Variants in PIEZO2 observed in about 807,000 individuals in gnomAD.
The protein encoded by PIEZO2 is piezo type mechanosensitive ion channel component 2, also known as piezo-type mechanosensitive ion channel component 2.
A neutral mutation model predicts 337.3 loss-of-function variants in PIEZO2; 172 were observed. The ratio of observed to expected loss-of-function variants is 0.51; its 90% CI spans 0.45 to 0.58. The LOEUF (loss-of-function observed/expected upper bound fraction) is 0.58, where lower values mean the gene tolerates loss of function less well. PIEZO2 is among the 20% of genes least tolerant of loss of function. PIEZO2 has a pLI of 0.00. For synonymous variants in PIEZO2, 1,251 were observed against 1,228.5 expected (o/e 1.02, Z -0.38); for missense variants, 3,028 against 3,391.3 (o/e 0.89, Z 2.66).
rs978037965 is a variant in PIEZO2 at position 11,089,126 on chromosome 18, C to T, written c.65-22904G>A. On this transcript the variant is annotated intron_variant, in intron 1 of 55. Coordinates refer to ENST00000674853, the MANE Select transcript of PIEZO2 (RefSeq NM_001378183.1). ...TGGCCACAGGTCAGAATCTTTGGGGCGGTCCCCTCCACACCTCCTGAGTCC... is the reference window on the plus strand; with the variant it reads ...TGGCCACAGGTCAGAATCTTTGGGGTGGTCCCCTCCACACCTCCTGAGTCC... Among the ~76,000 whole-genome samples, 8 of 152,080 alleles carry T rather than the reference C, an allele frequency of 5.3e-5. 1 individual carries two copies. In the South Asian group the frequency reaches 6.2e-4, roughly 12 times the overall value.
In PIEZO2 at chr18:10,823,941, T is replaced by C. The variant is rs191963243; in HGVS notation, c.918-16667A>G. On this transcript the variant is annotated intron_variant, in intron 7 of 55. Coordinates refer to ENST00000674853, the MANE Select transcript of PIEZO2 (RefSeq NM_001378183.1). ...TTAAGAAAAAGTAATTAAAACTTCATGGCATAGCTAAAGCCTTGCCTACAG... is the reference window on the plus strand; with the variant it reads ...TTAAGAAAAAGTAATTAAAACTTCACGGCATAGCTAAAGCCTTGCCTACAG... Among the ~76,000 whole-genome samples, 12 of 152,360 alleles carry C rather than the reference T, an allele frequency of 7.9e-5. No individual in the cohort carries two copies. In the East Asian group the frequency reaches 2.1e-3, roughly 27 times the overall value.
chr18:10,763,190 G>A lies in PIEZO2; in HGVS notation c.2947-92C>T, dbSNP rs867806425. 28 of 1,361,634 alleles carry A rather than the reference G, an allele frequency of 2.1e-5. No homozygotes were observed. The African/African-American group carries it at 2.9e-4, about 14-fold the overall frequency. The allele number at this position is 1,361,634 out of a possible 1,614,324, so 84.3% of individuals were successfully genotyped here. A position where few individuals can be genotyped will look rare whatever the true frequency, so the allele number is the denominator to read the frequency against. ...AAAACAGGATGACTTGATTTACTCA[G>A]TTCGGCAAAAGCAGACTGGATTCCT... On this transcript the variant is annotated intron_variant, in intron 21 of 55. Coordinates refer to ENST00000674853, the MANE Select transcript of PIEZO2 (RefSeq NM_001378183.1).
At position 10,752,782 on chromosome 18, in the gene PIEZO2, A is replaced by C; in HGVS notation, c.4021T>G (p.Phe1341Val). 1 of 1,537,218 alleles carries C rather than the reference A, an allele frequency of 6.5e-7. No individual in the cohort carries two copies. Among genetic ancestry groups the C allele is most frequent in the Non-Finnish European group, 8.7e-7 (1 of 1,146,900 alleles). Residue 1341 changes from phenylalanine (F) to valine (V), a missense_variant, in exon 28 of 56, where the codon TTT becomes GTT. This residue lies in a region of PIEZO2 where 1,925 missense variants were observed against 2,051.9 expected (regional missense o/e 0.94). Coordinates refer to ENST00000674853, the MANE Select transcript of PIEZO2 (RefSeq NM_001378183.1). Reference protein sequence around the residue: ...FITGTTRISIFCMGYLVACFY... With the variant: ...FITGTTRISIVCMGYLVACFY... ...CAGGCCACCAGGTACCCCATGCAAA[A>C]GATGCTGATCCTGGTGGTCCCAGTG...
rs1229449802 is a variant in PIEZO2, at chr18:10,677,685, G to A, written c.8081+62C>T. ...CCTCATACACATGAATCTGTAGATG[G>A]ACATTTTGTACCAGCTGCATATACC... On this transcript the variant is annotated intron_variant, in intron 53 of 55. Coordinates refer to ENST00000674853, the MANE Select transcript of PIEZO2 (RefSeq NM_001378183.1). This position sits in a 1 kb window ranked among gnomAD's most constrained non-coding sequence, Gnocchi z 4.1. 1 of 1,544,880 alleles carries A rather than the reference G, an allele frequency of 6.5e-7. No homozygotes were observed. Among genetic ancestry groups the A allele is most frequent in the Non-Finnish European group, 8.8e-7 (1 of 1,140,794 alleles).
At position 10,773,502 on chromosome 18, in the gene PIEZO2, C is replaced by T; in HGVS notation, c.2695G>A (p.Ala899Thr). Residue 899 changes from alanine (A) to threonine (T), a missense_variant, in exon 20 of 56, where the codon GCC becomes ACC. Ala to Thr is a moderately conservative substitution (Grantham distance 58, BLOSUM62 0). This residue lies in a region of PIEZO2 where 1,925 missense variants were observed against 2,051.9 expected (regional missense o/e 0.94). Transcript: ENST00000674853. This position sits in a 1 kb window ranked among gnomAD's most constrained non-coding sequence, Gnocchi z 5.3. Reference protein sequence around the residue: ...EEKLEGYSEKAQKGDLGKDSE... With the variant: ...EEKLEGYSEKTQKGDLGKDSE... ...TCTTTCCCAAGATCACCCTTCTGGGCTTTTTCAGAGTAGCCCTCAAGCTTC... is the reference window on the plus strand; with the variant it reads ...TCTTTCCCAAGATCACCCTTCTGGGTTTTTTCAGAGTAGCCCTCAAGCTTC... 3 of 1,537,452 alleles carry T rather than the reference C, an allele frequency of 2.0e-6. No homozygotes were observed. The highest frequency in any genetic ancestry group is 1.2e-5 in the South Asian group (1 of 84,058).
Position 11,003,658 on chromosome 18 carries a change from C to T in PIEZO2, c.161-23998G>A, listed in dbSNP as rs1232400720. On this transcript the variant is annotated intron_variant, in intron 2 of 55. Transcript: ENST00000674853. This position sits in a 1 kb window ranked among gnomAD's most constrained non-coding sequence, Gnocchi z 4.6. ...CGGGCACCAGCCCTAGCCAGTACAC[C>T]GTCCCATCTTGGGCACACTCACATA... Among the ~76,000 whole-genome samples, 2 of 152,152 alleles carry T rather than the reference C, an allele frequency of 1.3e-5. No homozygotes were observed. Among genetic ancestry groups the T allele is most frequent in the Non-Finnish European group, 2.9e-5 (2 of 68,036 alleles).
At position 10,789,169 on chromosome 18, in the gene PIEZO2, G is replaced by T; in HGVS notation, c.2079C>A (p.Gly693=). Residue 693 remains glycine, a synonymous_variant, in exon 15 of 56, where the codon GGC becomes GGA. Coordinates refer to ENST00000674853, the MANE Select transcript of PIEZO2 (RefSeq NM_001378183.1). ...FIKYWIYVCG[G]MFFFVSFEGK... ...CCTCGAAGCTGACGAAGAAGAACAT[G>T]CCTCCGCAGACGTAGATCCAGTACT... 6.5e-7 allele frequency: 1 copy of T among 1,537,260 alleles called. No individual in the cohort carries two copies. Among genetic ancestry groups the T allele is most frequent in the South Asian group, 1.2e-5 (1 of 84,066 alleles).
At chr18:11,011,674 TCTAA>T (rs1463136503) in intron 2 of PIEZO2, among the ~76,000 whole-genome samples, 2 of 152,200 alleles carry the variant, frequency 1.3e-5, no homozygotes, top group Non-Finnish European at 2.9e-5. Flanking sequence ...TCTTAACTGC[TCTAA>T]CTTTCTAAAA....
At chr18:10,864,586 T>C (rs768954271) in intron 5 of PIEZO2, among the ~76,000 whole-genome samples, 2 of 152,220 alleles carry the variant, frequency 1.3e-5, no homozygotes, top group Non-Finnish European at 2.9e-5. Context: ...TCCTGGCACA[T>C]AGTAGGCTCT....
At chr18:11,117,779 G>A (rs1292617131) in intron 1 of PIEZO2, among the ~76,000 whole-genome samples, 3 of 152,182 alleles carry the variant, frequency 2.0e-5, no homozygotes, top group South Asian at 2.1e-4. Context: ...TTCTTTAGGT[G>A]TCAGTCTTCA....
chr18:10,779,603 T>G (rs2038907599), intron 18 of PIEZO2, among the ~76,000 whole-genome samples: 2 of 152,244 alleles, frequency 1.3e-5, no homozygotes, highest in Admixed American at 6.5e-5. Flanking sequence ...AATCTGGTGA[T>G]GTAAAATATC....
At chr18:11,052,311 G>A (rs1332907315) in intron 2 of PIEZO2, among the ~76,000 whole-genome samples, 2 of 152,184 alleles carry the variant, frequency 1.3e-5, no homozygotes, top group African/African-American at 4.8e-5. Context: ...ATTCTAGGAT[G>A]AATCCAGTGA....
chr18:10,874,234 A>T (rs2042211259), intron 4 of PIEZO2, among the ~76,000 whole-genome samples: 1 of 152,062 alleles, frequency 6.6e-6, no homozygotes, highest in Non-Finnish European at 1.5e-5. Context: ...ATCACTCATC[A>T]TCAAGGAAAT....
Position 10,837,175 on chromosome 18 carries a change from T to C in PIEZO2, c.917+18178A>G, listed in dbSNP as rs371599106. Among the ~76,000 whole-genome samples the C allele has an allele frequency of 6.6e-6, 1 of 152,196 alleles. No homozygotes were observed. The highest frequency in any genetic ancestry group is 2.1e-4 in the South Asian group (1 of 4,836). ...GAGGAGGGGATGGTGTGCACTCCTG[T>C]TGTGGACGGTAACAGAACCTGGAAA... On this transcript the variant is annotated intron_variant, in intron 7 of 55. Coordinates refer to ENST00000674853, the MANE Select transcript of PIEZO2 (RefSeq NM_001378183.1). The surrounding 1 kb of genome is among the most constrained non-coding windows in gnomAD (Gnocchi z 4.4).
chr18:10,909,479 G>C (rs376005363), intron 4 of PIEZO2, among the ~76,000 whole-genome samples: 2 of 151,226 alleles, frequency 1.3e-5, no homozygotes, highest in Admixed American at 1.3e-4. Context: ...ATATTGACTG[G>C]GTATTAAATA....
At chr18:11,134,464 G>A (rs535502640) in intron 1 of PIEZO2, among the ~76,000 whole-genome samples, 3 of 152,236 alleles carry the variant, frequency 2.0e-5, no homozygotes, top group East Asian at 1.9e-4. Context: ...ACCCATCAGC[G>A]CTGGCTTCAT....
rs1209169615 is a variant in PIEZO2 at position 10,813,890 on chromosome 18, T to C, written c.918-6616A>G. On this transcript the variant is annotated intron_variant, in intron 7 of 55. Coordinates refer to ENST00000674853, the MANE Select transcript of PIEZO2 (RefSeq NM_001378183.1). The surrounding 1 kb of genome is among the most constrained non-coding windows in gnomAD (Gnocchi z 4.2). The stretch of plus-strand genomic sequence containing the variant: ...CACCAGCAGTGCACAGTCTTCCAGT[T>C]TCCCTATAGCCTTGCCAAGTCTTGT... Among the ~76,000 whole-genome samples, 2 of 152,100 alleles carry C rather than the reference T, an allele frequency of 1.3e-5. No homozygotes were observed. Among genetic ancestry groups the C allele is most frequent in the Non-Finnish European group, 2.9e-5 (2 of 68,006 alleles).
chr18:11,137,627 A>T (rs2040526457), intron 1 of PIEZO2, among the ~76,000 whole-genome samples: 3 of 152,198 alleles, frequency 2.0e-5, no homozygotes, highest in African/African-American at 7.2e-5. Context: ...GTGTACCTGC[A>T]GCAATGCCAA....
Position 10,791,592 on chromosome 18 carries a change from A to G in PIEZO2, c.1759-268T>C, listed in dbSNP as rs181933683. 674 of 235,348 alleles carry G rather than the reference A, an allele frequency of 2.9e-3. 3 individuals carry two copies. Among genetic ancestry groups the G allele is most frequent in the African/African-American group, 0.015 (643 of 43,582 alleles). The allele number at this position is 235,348 out of a possible 1,614,324, so 14.6% of individuals were successfully genotyped here. A position where few individuals can be genotyped will look rare whatever the true frequency, so the allele number is the denominator to read the frequency against. Reference sequence around the variant, plus strand: ...GAACCCAACCTTTCTAACAACTTCCACCTGGGCAGGAAATCAGCTGCAACA... The same window carrying G: ...GAACCCAACCTTTCTAACAACTTCCGCCTGGGCAGGAAATCAGCTGCAACA... On this transcript the variant is annotated intron_variant, in intron 13 of 55. Coordinates refer to ENST00000674853, the MANE Select transcript of PIEZO2 (RefSeq NM_001378183.1).
Sources: allele counts gnomAD v4.1 joint callset (sites outside exome capture counted in the v4.1 genomes callset), GRCh38; gene constraint gnomAD v4.1.1; regional missense constraint gnomAD v4.1.1; non-coding constraint Gnocchi (gnomAD v3.1); transcripts MANE v1.5; gene names NCBI Gene and HGNC (gene_info 2026-07-23, HGNC 2026-07-21).